Variants in SLCO4C1 observed in about 807,000 individuals in gnomAD.
SLCO4C1 encodes solute carrier organic anion transporter family member 4C1.
In SLCO4C1, 58 loss-of-function variants were observed where a neutral mutation model predicts 72.1. The ratio of observed to expected loss-of-function variants is 0.80; its 90% CI spans 0.65 to 1.00. SLCO4C1 has a LOEUF of 1.00. Ranked by LOEUF, SLCO4C1 falls within the 50% of genes least tolerant of loss-of-function variation. The pLI is 0.00. For missense variants in SLCO4C1, 898 were observed against 857.9 expected (o/e 1.05, Z -0.58); for synonymous variants, 297 against 312.5 (o/e 0.95, Z 0.52).
chr5:102,257,780 G>A lies in SLCO4C1; in HGVS notation c.1273+163C>T, dbSNP rs1405760525. On this transcript the variant is annotated intron_variant, in intron 7 of 12. Coordinates refer to ENST00000310954, the MANE Select transcript of SLCO4C1 (RefSeq NM_180991.5). ...ACTACAGGTGCGTGCCACTATGCTC[G>A]GCTAATTTTTATGTTTTTTGGTACA... Among the ~76,000 whole-genome samples, 5 of 151,942 alleles carry A rather than the reference G, an allele frequency of 3.3e-5. No homozygotes were observed. The East Asian group carries it at 9.7e-4, about 29-fold the overall frequency.
At chr5:102,242,866 C>T (rs1405342419) in intron 10 of SLCO4C1, among the ~76,000 whole-genome samples, 2 of 152,132 alleles carry the variant, frequency 1.3e-5, no homozygotes, top group Non-Finnish European at 2.9e-5. Context: ...TAGGTACCAT[C>T]ACTGCCCCGG....
intron 10 of SLCO4C1, 78 bp downstream of exon 10, chr5:102,247,174 C>A: frequency 1.7e-6 from 2 of 1,144,460 alleles, no homozygotes; most frequent in Non-Finnish European, 2.4e-6. Context: ...AATATGAACC[C>A]CAAATGAACC....
intron 10 of SLCO4C1, among the ~76,000 whole-genome samples, chr5:102,246,778 G>A (rs1748643130): frequency 6.6e-6 from 1 of 152,026 alleles, no homozygotes. Context: ...TGTGCAGTGG[G>A]ATACAAGGAG....
chr5:102,262,706 A>G (rs1227964545), intron 4 of SLCO4C1, among the ~76,000 whole-genome samples: 2 of 152,148 alleles, frequency 1.3e-5, no homozygotes, highest in Non-Finnish European at 2.9e-5. Flanking sequence ...CCGAGCCAGG[A>G]GTCTCATATT....
chr5:102,272,668 T>G (rs1422330108), intron 2 of SLCO4C1, among the ~76,000 whole-genome samples: 1 of 152,030 alleles, frequency 6.6e-6, no homozygotes, highest in Non-Finnish European at 1.5e-5. Flanking sequence ...CATAGAAATG[T>G]GTTGAGGCAG....
At chr5:102,256,120 T>G (rs548116718) in intron 8 of SLCO4C1, among the ~76,000 whole-genome samples, 65 of 152,114 alleles carry the variant, frequency 4.3e-4, no homozygotes, top group African/African-American at 1.5e-3. Flanking sequence ...ACAAGAATCA[T>G]TTGAATTCAG....
chr5:102,289,685 T>C (rs1243883438), intron 2 of SLCO4C1, among the ~76,000 whole-genome samples: 1 of 152,230 alleles, frequency 6.6e-6, no homozygotes, highest in African/African-American at 2.4e-5. Context: ...CCCAGTGAAA[T>C]TATGTCAAGT....
chr5:102,295,565 T>C (rs2112411087), intron 1 of SLCO4C1, among the ~76,000 whole-genome samples: 1 of 152,338 alleles, frequency 6.6e-6, no homozygotes, highest in Middle Eastern at 3.4e-3. Flanking sequence ...GTCTTTATAA[T>C]GTAAAATAAA....
chr5:102,238,692 G>A (rs567999368), intron 12 of SLCO4C1, among the ~76,000 whole-genome samples: 40 of 152,036 alleles, frequency 2.6e-4, no homozygotes, highest in Non-Finnish European at 4.7e-4. Context: ...TATTTTACTA[G>A]TGTAAACTAG....
intron 2 of SLCO4C1, among the ~76,000 whole-genome samples, chr5:102,286,992 C>T (rs1311743406): frequency 1.3e-5 from 2 of 151,952 alleles, no homozygotes; most frequent in East Asian, 3.9e-4. Flanking sequence ...TTTTGATTTC[C>T]CTTAAGAACA....
intron 10 of SLCO4C1, 62 bp from the exon 11 acceptor site, chr5:102,240,844 A>T: frequency 1.7e-6 from 2 of 1,182,902 alleles, no homozygotes; most frequent in Non-Finnish European, 2.4e-6. Context: ...CTCTTTGAGC[A>T]AGTTCACATT....
intron 3 of SLCO4C1, among the ~76,000 whole-genome samples, chr5:102,266,172 GAATTT>G (rs1269802276): frequency 6.6e-6 from 1 of 152,100 alleles, no homozygotes; most frequent in Non-Finnish European, 1.5e-5. Context: ...AAACTTCACT[GAATTT>G]ATTTAATAGT....
At position 102,282,642 on chromosome 5, in the gene SLCO4C1, G is replaced by A. The variant is rs1013930493; in HGVS notation, c.619+8701C>T. On this transcript the variant is annotated intron_variant, in intron 2 of 12. Coordinates refer to ENST00000310954, the MANE Select transcript of SLCO4C1 (RefSeq NM_180991.5). ...ATCTTCCAAGTAAAAAGAAGTCAAC[G>A]TTCCTAGATTAAAAATCTTGTTTCC... Among the ~76,000 whole-genome samples the A allele has an allele frequency of 3.3e-5, 5 of 151,932 alleles. 1 individual carries two copies. Among genetic ancestry groups the A allele is most frequent in the East Asian group, 3.8e-4 (2 of 5,202 alleles).
intron 2 of SLCO4C1, among the ~76,000 whole-genome samples, chr5:102,290,815 C>T (rs769705643): frequency 1.8e-4 from 28 of 152,234 alleles, no homozygotes; most frequent in Non-Finnish European, 3.7e-4. Context: ...CCTTTCTGAG[C>T]CTTTGAATAA....
chr5:102,250,942 G>T (rs566352615), intron 8 of SLCO4C1, among the ~76,000 whole-genome samples: 2 of 151,954 alleles, frequency 1.3e-5, no homozygotes, highest in Admixed American at 6.6e-5. Context: ...AGCCAAGATT[G>T]CGCCACTGCA....
chr5:102,261,559 A>C (rs116070452), intron 5 of SLCO4C1, among the ~76,000 whole-genome samples: 1 of 152,296 alleles, frequency 6.6e-6, no homozygotes, highest in Non-Finnish European at 1.5e-5. Context: ...GAATGATTTA[A>C]GACAGATTGA....
chr5:102,268,543 T>C (rs926964725), intron 3 of SLCO4C1, among the ~76,000 whole-genome samples: 5 of 152,308 alleles, frequency 3.3e-5, no homozygotes, highest in Non-Finnish European at 7.4e-5. Context: ...TATACTTTCT[T>C]AATCCATTCA....
At chr5:102,283,295 T>C (rs1409882633) in intron 2 of SLCO4C1, among the ~76,000 whole-genome samples, 3 of 152,000 alleles carry the variant, frequency 2.0e-5, no homozygotes, top group Non-Finnish European at 4.4e-5. Flanking sequence ...CTATGTGGTA[T>C]TGATTATTAT....
chr5:102,268,934 T>C (rs78518375), intron 3 of SLCO4C1, among the ~76,000 whole-genome samples: 8,096 of 152,174 alleles, frequency 0.053, 681 homozygotes, highest in African/African-American at 0.17. Context: ...ATAGTATTCT[T>C]GACAGACAGC....
Sources: gnomAD v4.1 joint callset for allele counts (sites outside exome capture counted in the v4.1 genomes callset) on GRCh38, gnomAD v4.1.1 for gene constraint, MANE v1.5 for transcripts, NCBI Gene and HGNC (gene_info 2026-07-23, HGNC 2026-07-21) for gene names.